Variants in CASTOR2 observed in about 807,000 individuals in gnomAD.
CASTOR2 encodes GATS protein like 2.
A neutral mutation model predicts 31.2 loss-of-function variants in CASTOR2; 8 were observed. That is an observed-to-expected ratio of 0.26 (90% CI 0.15 to 0.46). The LOEUF is 0.46. Among genes scored for constraint, CASTOR2 ranks in the 20% least tolerant of loss-of-function variants. The probability of loss-of-function intolerance (pLI) is 0.99; values close to 1 mark genes in which losing one functional copy is unlikely to be tolerated. For synonymous variants in CASTOR2, 162 were observed against 158.7 expected (o/e 1.02, Z -0.16); for missense variants, 216 against 382.1 (o/e 0.57, Z 3.62).
At chr7:75,024,324 C>T in intron 7 of CASTOR2, 116 bp from the exon 8 acceptor site, 4 of 1,018,406 alleles carry the variant, frequency 3.9e-6, no homozygotes, top group East Asian at 5.2e-5. Context: ...TGGGAATTCT[C>T]TAGGAGGATG....
At chr7:75,024,268 C>T (rs996737991) in intron 7 of CASTOR2, among the ~76,000 whole-genome samples, 172 bp from the exon 8 acceptor site, 14 of 152,134 alleles carry the variant, frequency 9.2e-5, no homozygotes, top group South Asian at 2.1e-4. Flanking sequence ...CCAGCCTGGG[C>T]GATGGAGCGA....
At chr7:75,019,198 T>C in intron 5 of CASTOR2, 103 bp downstream of exon 5, 1 of 1,540,194 alleles carries the variant, frequency 6.5e-7, no homozygotes, top group Non-Finnish European at 8.8e-7. Context: ...TAGGAGCTCA[T>C]CTGAGGGAAG....
At chr7:74,999,301 C>T (rs1410481260) in intron 1 of CASTOR2, among the ~76,000 whole-genome samples, 5 of 152,068 alleles carry the variant, frequency 3.3e-5, no homozygotes, top group Non-Finnish European at 5.9e-5. Context: ...TGAGCCACCG[C>T]GCCCGACCTT....
intron 2 of CASTOR2, among the ~76,000 whole-genome samples, chr7:75,014,509 T>C (rs1804823210): frequency 1.3e-5 from 2 of 151,424 alleles, no homozygotes; most frequent in Non-Finnish European, 2.9e-5. Flanking sequence ...TGAGAATCGC[T>C]TGAACCCGGG....
chr7:75,014,878 C>A (rs1471246013), intron 2 of CASTOR2, among the ~76,000 whole-genome samples: 1 of 152,236 alleles, frequency 6.6e-6, no homozygotes, highest in Non-Finnish European at 1.5e-5. Context: ...TACACTTCAC[C>A]ACCTCGGAGG....
At chr7:75,017,922 G>A in intron 3 of CASTOR2, 68 bp from the exon 4 acceptor site, 1 of 1,613,826 alleles carries the variant, frequency 6.2e-7, no homozygotes, top group Non-Finnish European at 8.5e-7. Context: ...CAGGGTGAGA[G>A]GTCGGTGCCC....
chr7:75,024,523 G>C lies in CASTOR2; in HGVS notation c.913G>C (p.Asp305His). Reference protein sequence around the residue: ...PAYYISTFKFDHALVPEENIN... With the variant: ...PAYYISTFKFHHALVPEENIN... The stretch of plus-strand genomic sequence containing the variant: ...CTACTACATCAGTACTTTCAAGTTT[G>C]ATCATGCACTTGTGAGTGTCCAGCG... The change falls in exon 8 of 9, where the codon GAT (aspartate) becomes CAT (histidine). Residue 305 changes from aspartate (D) to histidine (H), a missense_variant. Transcript: ENST00000616305. The C allele has an allele frequency of 6.4e-7, 1 of 1,551,562 alleles. No individual in the cohort carries two copies. The highest frequency in any genetic ancestry group is 1.2e-5 in the South Asian group (1 of 84,056).
intron 1 of CASTOR2, among the ~76,000 whole-genome samples, chr7:74,991,517 C>A (rs1303795676): frequency 6.6e-6 from 1 of 152,014 alleles, no homozygotes; most frequent in East Asian, 1.9e-4. Flanking sequence ...TCGCCCAGAA[C>A]TGGGAGCTGG....
At chr7:74,981,795 G>T (rs1380741444) in intron 1 of CASTOR2, among the ~76,000 whole-genome samples, 1 of 146,878 alleles carries the variant, frequency 6.8e-6, no homozygotes, top group Admixed American at 6.9e-5. Context: ...GGCCCGGTGC[G>T]GTGGCTCACG....
intron 1 of CASTOR2, among the ~76,000 whole-genome samples, chr7:74,992,628 C>T (rs1347707479): frequency 9.2e-5 from 14 of 152,158 alleles, no homozygotes; most frequent in South Asian, 4.1e-4. Context: ...TTAGTAGAGA[C>T]GGGGTTTCAC....
chr7:75,023,167 T>G (rs1414349102), intron 7 of CASTOR2, among the ~76,000 whole-genome samples: 1 of 151,318 alleles, frequency 6.6e-6, no homozygotes, highest in African/African-American at 2.4e-5. Context: ...AATTAGCCGG[T>G]CGTGGTGGCA....
chr7:75,017,476 G>A, intron 2 of CASTOR2, 122 bp from the exon 3 acceptor site: 1 of 1,217,434 alleles, frequency 8.2e-7, no homozygotes, highest in South Asian at 1.3e-5. Context: ...TGGAAAGTGA[G>A]GCAAGGCACA....
Position 75,025,548 on chromosome 7 carries a change from G to A in CASTOR2, c.*849G>A, listed in dbSNP as rs2131960434. Among the ~76,000 whole-genome samples, 1 of 152,290 alleles carries A rather than the reference G, an allele frequency of 6.6e-6. No homozygotes were observed. The highest frequency in any genetic ancestry group is 2.1e-4 in the South Asian group (1 of 4,826). Reference sequence around the variant, plus strand: ...GGCTTTCCAGGCCTGAGGTTTCTTAGGTGGTGTCCCACCTCCCCAACAGAC... The same window carrying A: ...GGCTTTCCAGGCCTGAGGTTTCTTAAGTGGTGTCCCACCTCCCCAACAGAC... On this transcript the variant is annotated 3_prime_UTR_variant, in exon 9 of 9. Coordinates refer to ENST00000616305, the MANE Select transcript of CASTOR2 (RefSeq NM_001145064.3).
rs1805205547 is a variant in CASTOR2, at chr7:75,028,493, C to T, written c.*3794C>T. Among the ~76,000 whole-genome samples the T allele has an allele frequency of 6.6e-6, 1 of 152,030 alleles. No individual in the cohort carries two copies. The highest frequency in any genetic ancestry group is 1.5e-5 in the Non-Finnish European group (1 of 68,002). On this transcript the variant is annotated 3_prime_UTR_variant, in exon 9 of 9. Transcript: ENST00000616305. ...AGCTCCTGGAGTGTGTGTCTTGGCC[C>T]CTGTGTGGTTCTCCATTAAGAAAAG... is the stretch of plus-strand genomic sequence containing the variant.
intron 1 of CASTOR2, among the ~76,000 whole-genome samples, chr7:74,980,659 T>C (rs1803927404): frequency 1.4e-5 from 2 of 139,606 alleles, no homozygotes; most frequent in Non-Finnish European, 1.5e-5. Flanking sequence ...GATGGTCTGT[T>C]CTGCTTTGGA....
rs929696164 is a variant in CASTOR2, at chr7:75,030,229, C to G, written c.*5530C>G. Among the ~76,000 whole-genome samples, 143,215 of 152,332 alleles carry G rather than the reference C, an allele frequency of 0.94. 67,326 individuals carry two copies. Among genetic ancestry groups the G allele is most frequent in the Middle Eastern group, 0.98 (287 of 294 alleles). On this transcript the variant is annotated 3_prime_UTR_variant, in exon 9 of 9. Transcript: ENST00000616305. ...TTTATGCACACGTTTGTGCATGTAC[C>G]TGTGAGCGTGGATGTGTTCCTATGC...
In CASTOR2 at chr7:75,028,116, AT is replaced by A. The variant is rs71098023; in HGVS notation, c.*3436del. On this transcript the variant is annotated 3_prime_UTR_variant, in exon 9 of 9. Transcript: ENST00000616305. ...GGAAGAGGGCTCTCTATGATGTGGAATTTTTTTTTTTTTTTTTTTGAGACGG... is the reference window on the plus strand; with the variant it reads ...GGAAGAGGGCTCTCTATGATGTGGAATTTTTTTTTTTTTTTTTTGAGACGG... 0.11 allele frequency: 129,470 copies of A among 1,223,312 alleles called. No individual in the cohort carries two copies. The highest frequency in any genetic ancestry group is 0.17 in the East Asian group (5,888 of 34,706). 75.8% of individuals were successfully genotyped at this position (1,223,312 alleles called of 1,614,324 possible).
intron 1 of CASTOR2, among the ~76,000 whole-genome samples, chr7:74,996,188 G>A (rs1804342318): frequency 6.6e-6 from 1 of 152,152 alleles, no homozygotes; most frequent in African/African-American, 2.4e-5. Flanking sequence ...TGAGCTGCAT[G>A]TCTTTGCTGA....
At chr7:74,976,071 A>G (rs1405756215) in intron 1 of CASTOR2, among the ~76,000 whole-genome samples, 1 of 134,884 alleles carries the variant, frequency 7.4e-6, no homozygotes, top group Admixed American at 7.8e-5. Context: ...CTAAATTCCT[A>G]ACCCATAGGA....
Sources: allele counts gnomAD v4.1 joint callset (sites outside exome capture counted in the v4.1 genomes callset), GRCh38; gene constraint gnomAD v4.1.1; transcripts MANE v1.5; gene names NCBI Gene and HGNC (gene_info 2026-07-23, HGNC 2026-07-21).